Variants in GNAI1 observed in about 807,000 individuals in gnomAD.
The protein encoded by GNAI1 is guanine nucleotide-binding protein G(i) subunit alpha-1.
A neutral mutation model predicts 38.9 loss-of-function variants in GNAI1; 11 were observed. The observed-to-expected ratio is 0.28, with a 90% CI of 0.18 to 0.47. The LOEUF is 0.47. Ranked by LOEUF, GNAI1 falls within the 20% of genes least tolerant of loss-of-function variation. GNAI1 has a pLI of 0.99. For missense variants in GNAI1, 317 were observed against 436.9 expected (o/e 0.73, Z 2.45); for synonymous variants, 166 against 145.1 (o/e 1.14, Z -1.04).
At chr7:80,190,624 G>A (rs1490193367) in intron 3 of GNAI1, among the ~76,000 whole-genome samples, 1 of 152,032 alleles carries the variant, frequency 6.6e-6, no homozygotes, top group African/African-American at 2.4e-5. Context: ...TTAAAAGACT[G>A]CACAGTAGGG....
intron 5 of GNAI1, among the ~76,000 whole-genome samples, chr7:80,208,912 T>C (rs1410054306): frequency 2.0e-5 from 3 of 152,206 alleles, no homozygotes; most frequent in African/African-American, 4.8e-5. Context: ...TAGTGTATAA[T>C]AACATGTTTT....
At chr7:80,147,642 C>T (rs551212703) in intron 1 of GNAI1, among the ~76,000 whole-genome samples, 3 of 152,206 alleles carry the variant, frequency 2.0e-5, no homozygotes, top group African/African-American at 7.2e-5. Flanking sequence ...TTCCCCATCA[C>T]TTCAGCTCTT....
chr7:80,150,388 G>C (rs1453502390), intron 1 of GNAI1, among the ~76,000 whole-genome samples: 1 of 152,206 alleles, frequency 6.6e-6, no homozygotes, highest in East Asian at 1.9e-4. Flanking sequence ...TACGGAGATA[G>C]TGAATGTTTG....
At position 80,223,724 on chromosome 7, in the gene GNAI1, C is replaced by T. The variant is rs1415749212; in HGVS notation, c.*6231C>T. ...TCCTGTTTACAAATATAAGTAATTACCTTTCCGTTTTAAGTGACCAATTGT... is the reference window on the plus strand; with the variant it reads ...TCCTGTTTACAAATATAAGTAATTATCTTTCCGTTTTAAGTGACCAATTGT... On this transcript the variant is annotated 3_prime_UTR_variant, in exon 8 of 8. Coordinates refer to ENST00000649796, the MANE Select transcript of GNAI1 (RefSeq NM_002069.6). 1.3e-5 allele frequency among the ~76,000 whole-genome samples: 2 copies of T among 152,140 alleles called. No homozygotes were observed. The highest frequency in any genetic ancestry group is 2.9e-5 in the Non-Finnish European group (2 of 68,028).
At chr7:80,159,656 T>C (rs1187809363) in intron 1 of GNAI1, among the ~76,000 whole-genome samples, 1 of 152,212 alleles carries the variant, frequency 6.6e-6, no homozygotes, top group Non-Finnish European at 1.5e-5. Context: ...TTTAAAAATA[T>C]TCGTTGTTTC....
intron 1 of GNAI1, among the ~76,000 whole-genome samples, chr7:80,144,850 C>G (rs1787590886): frequency 1.3e-5 from 2 of 152,280 alleles, no homozygotes; most frequent in South Asian, 4.1e-4. Context: ...TCCATGTATA[C>G]TAGCTCACTT....
intron 3 of GNAI1, among the ~76,000 whole-genome samples, chr7:80,192,355 A>G (rs1027149337): frequency 2.0e-5 from 3 of 152,150 alleles, no homozygotes; most frequent in Admixed American, 6.5e-5. Context: ...AGTATATTTT[A>G]TAATATCTTT....
At chr7:80,158,780 C>G (rs543606651) in intron 1 of GNAI1, among the ~76,000 whole-genome samples, 77 of 152,222 alleles carry the variant, frequency 5.1e-4, no homozygotes, top group Non-Finnish European at 9.0e-4. Flanking sequence ...TTGCACCACG[C>G]TATTCAAGCC....
At chr7:80,167,624 A>G (rs1340600709) in intron 1 of GNAI1, among the ~76,000 whole-genome samples, 2 of 152,212 alleles carry the variant, frequency 1.3e-5, no homozygotes, top group East Asian at 1.9e-4. Flanking sequence ...GTTTTTCAGT[A>G]TGTAAATGCT....
intron 1 of GNAI1, among the ~76,000 whole-genome samples, chr7:80,167,853 T>G (rs542178672): frequency 3.9e-5 from 6 of 152,252 alleles, no homozygotes; most frequent in Non-Finnish European, 7.4e-5. Flanking sequence ...CATATCAAAA[T>G]CATGCAAAAA....
At chr7:80,214,748 T>G (rs1166035825) in intron 7 of GNAI1, among the ~76,000 whole-genome samples, 4 of 152,186 alleles carry the variant, frequency 2.6e-5, no homozygotes, top group Non-Finnish European at 5.9e-5. Context: ...TTGATTTATC[T>G]CCTGTCTGTC....
intron 5 of GNAI1, 33 bp from the exon 6 acceptor site, chr7:80,210,936 A>G: frequency 6.3e-7 from 1 of 1,598,124 alleles, no homozygotes; most frequent in Non-Finnish European, 8.6e-7. Flanking sequence ...TTGAACATTT[A>G]ATGTGATGTT....
chr7:80,200,101 A>G (rs1562841012), intron 4 of GNAI1, among the ~76,000 whole-genome samples: 1 of 151,780 alleles, frequency 6.6e-6, no homozygotes, highest in Admixed American at 6.6e-5. Context: ...AGATCACTTG[A>G]GCCCAGGTGT....
chr7:80,153,041 A>G (rs1787755861), intron 1 of GNAI1, among the ~76,000 whole-genome samples: 1 of 152,110 alleles, frequency 6.6e-6, no homozygotes, highest in Non-Finnish European at 1.5e-5. Flanking sequence ...AGACTTTTAT[A>G]TTTTAGAAAG....
chr7:80,191,316 A>G (rs775314869), intron 3 of GNAI1, among the ~76,000 whole-genome samples: 3 of 152,142 alleles, frequency 2.0e-5, no homozygotes, highest in Non-Finnish European at 2.9e-5. Context: ...GAGTGTTGAA[A>G]CATGAATAAG....
intron 3 of GNAI1, 98 bp downstream of exon 3, chr7:80,189,329 A>G (rs1788441014): frequency 3.8e-6 from 4 of 1,065,586 alleles, no homozygotes; most frequent in Non-Finnish European, 5.6e-6. Context: ...AACTATCAGG[A>G]CCATTTCATA....
intron 1 of GNAI1, among the ~76,000 whole-genome samples, chr7:80,181,442 T>G (rs1788291780): frequency 6.6e-6 from 1 of 152,202 alleles, no homozygotes; most frequent in African/African-American, 2.4e-5. Flanking sequence ...ATAAAAACAC[T>G]GTATTAAAAT....
At chr7:80,159,307 T>G (rs553855668) in intron 1 of GNAI1, among the ~76,000 whole-genome samples, 1 of 152,302 alleles carries the variant, frequency 6.6e-6, no homozygotes, top group South Asian at 2.1e-4. Flanking sequence ...AACATAGTTC[T>G]TAGGCTTGTA....
At chr7:80,148,314 G>A (rs1450038001) in intron 1 of GNAI1, among the ~76,000 whole-genome samples, 1 of 152,116 alleles carries the variant, frequency 6.6e-6, no homozygotes, top group East Asian at 1.9e-4. Flanking sequence ...TGTAGAATTA[G>A]CAGTCCCATC....
Sources: allele counts gnomAD v4.1 joint callset (sites outside exome capture counted in the v4.1 genomes callset), GRCh38; gene constraint gnomAD v4.1.1; transcripts MANE v1.5; gene names NCBI Gene and HGNC (gene_info 2026-07-23, HGNC 2026-07-21).